Variants in ALKBH1 observed in about 807,000 individuals in gnomAD.
The protein encoded by ALKBH1 is nucleic acid dioxygenase ALKBH1.
ALKBH1 carries 31 observed loss-of-function variants against 36.6 expected under a neutral mutation model. The observed-to-expected ratio is 0.85, with a 90% CI of 0.64 to 1.14. The LOEUF (loss-of-function observed/expected upper bound fraction) is 1.14, where lower values mean the gene tolerates loss of function less well. Among genes scored for constraint, ALKBH1 ranks in the 50% most tolerant of loss-of-function variants. The pLI is 0.00. For synonymous variants in ALKBH1, 183 were observed against 186.6 expected, an observed-to-expected ratio of 0.98 and a Z score of 0.16; for missense variants, 490 against 497.3, an observed-to-expected ratio of 0.99 and a Z score of 0.14.
chr14:77,701,677 T>G (rs1263702033), intron 2 of ALKBH1, among the ~76,000 whole-genome samples: 1 of 152,130 alleles, frequency 6.6e-6, no homozygotes, highest in Non-Finnish European at 1.5e-5. Context: ...ATCCTTTTGA[T>G]CAACTCAGAG....
At position 77,673,900 on chromosome 14, in the gene ALKBH1, T is replaced by C; in HGVS notation, c.1082A>G (p.Glu361Gly). 6 of 1,614,230 alleles carry C rather than the reference T, an allele frequency of 3.7e-6. No homozygotes were observed. Among genetic ancestry groups the C allele is most frequent in the Non-Finnish European group, 5.1e-6 (6 of 1,180,050 alleles). ...ACCTTCTGTACTGATGTCTCTTTTT[T>C]CATCCTCGATGGGTTCTAGAGGGAA... ...QNFPLEPIED[E>G]KRDISTEGFC... Residue 361 changes from glutamate (E) to glycine (G), a missense_variant, in exon 6 of 6, where the codon GAA becomes GGA. Coordinates refer to ENST00000216489, the MANE Select transcript of ALKBH1 (RefSeq NM_006020.3).
chr14:77,675,974 A>C, intron 4 of ALKBH1, 125 bp from the exon 5 acceptor site: 1 of 787,192 alleles, frequency 1.3e-6, no homozygotes, highest in Non-Finnish European at 2.0e-6. Flanking sequence ...TTAACACAGC[A>C]TTATCTATCC....
intron 3 of ALKBH1, chr14:77,683,773 T>C (rs1252994785): frequency 9.9e-6 from 2 of 201,870 alleles, no homozygotes; most frequent in Non-Finnish European, 2.0e-5. Context: ...GGTTTCCCCA[T>C]GTTGCCCAAG....
At chr14:77,705,561 G>A (rs534563870) in intron 1 of ALKBH1, among the ~76,000 whole-genome samples, 1 of 152,132 alleles carries the variant, frequency 6.6e-6, no homozygotes, top group African/African-American at 2.4e-5. Context: ...TCCAACTGAC[G>A]CTACAACTTC....
At position 77,672,820 on chromosome 14, in the gene ALKBH1, C is replaced by T. The variant is rs1344877925; in HGVS notation, c.*992G>A. ...AAAGATTAAAACTTGGTGTTGCCTA[C>T]ATTTTTCCAAGCTGCCTACCCTCAG... On this transcript the variant is annotated 3_prime_UTR_variant, in exon 6 of 6. Coordinates refer to ENST00000216489, the MANE Select transcript of ALKBH1 (RefSeq NM_006020.3). 1.3e-5 allele frequency: 2 copies of T among 152,142 alleles called. No homozygotes were observed. The highest frequency in any genetic ancestry group is 2.4e-5 in the African/African-American group (1 of 41,420). The allele number at this position is 152,142 out of a possible 1,614,324, so 9.4% of individuals were successfully genotyped here.
In ALKBH1 at chr14:77,690,856, C is replaced by T. The variant is rs1363755248; in HGVS notation, c.455+3882G>A. ...CACTCTTGTTGCCCAGGCTGGAGTG[C>T]AATGGCGTGATCTCGGCTCACCGCA... On this transcript the variant is annotated intron_variant, in intron 3 of 5. Coordinates refer to ENST00000216489, the MANE Select transcript of ALKBH1 (RefSeq NM_006020.3). Among the ~76,000 whole-genome samples, 5 of 151,542 alleles carry T rather than the reference C, an allele frequency of 3.3e-5. No individual in the cohort carries two copies. In the South Asian group the frequency reaches 6.2e-4, roughly 19 times the overall value.
At chr14:77,696,394 T>C (rs921302161) in intron 2 of ALKBH1, among the ~76,000 whole-genome samples, 5 of 152,170 alleles carry the variant, frequency 3.3e-5, no homozygotes, top group Admixed American at 2.6e-4. Flanking sequence ...TTCACCATAT[T>C]GGCCAGGCTG....
Position 77,679,962 on chromosome 14 carries a change from T to C in ALKBH1, c.464A>G (p.Glu155Gly), listed in dbSNP as rs1448495074. ...ACTTCGGGGTCTCCGTTTAGTCGCT[T>C]CTTTATACCTGCAAAGATTGGTGAC... is the stretch of plus-strand genomic sequence containing the variant. ...EQSKEFLRYK[E>G]ATKRRPRSLL... The change falls in exon 4 of 6, where the codon GAA becomes GGA. Residue 155 changes from glutamate to glycine, a missense_variant. By Grantham distance (98) the Glu-to-Gly change is moderately conservative. Coordinates refer to ENST00000216489, the MANE Select transcript of ALKBH1 (RefSeq NM_006020.3). 6.2e-7 allele frequency: 1 copy of C among 1,613,480 alleles called. No homozygotes were observed. Among genetic ancestry groups the C allele is most frequent in the African/African-American group, 1.3e-5 (1 of 74,930 alleles).
At chr14:77,686,082 A>G (rs149489342) in intron 3 of ALKBH1, among the ~76,000 whole-genome samples, 123 of 152,284 alleles carry the variant, frequency 8.1e-4, no homozygotes, top group African/African-American at 2.7e-3. Context: ...TGCCTTCAAT[A>G]TGTTGAGAGC....
intron 2 of ALKBH1, among the ~76,000 whole-genome samples, chr14:77,701,570 C>A (rs2080359385): frequency 6.6e-6 from 1 of 152,172 alleles, no homozygotes; most frequent in Middle Eastern, 3.4e-3. Flanking sequence ...GGCCTATTAT[C>A]CTCTTGTTCA....
intron 4 of ALKBH1, among the ~76,000 whole-genome samples, chr14:77,678,021 CT>C (rs2080215096): frequency 7.8e-6 from 1 of 127,576 alleles, no homozygotes; most frequent in African/African-American, 3.0e-5. Context: ...CCCTATTTTT[CT>C]TAGTCAATGA....
At chr14:77,693,239 G>A (rs2080308332) in intron 3 of ALKBH1, among the ~76,000 whole-genome samples, 1 of 148,420 alleles carries the variant, frequency 6.7e-6, no homozygotes. Context: ...TTTTCATAGA[G>A]ATGGGGTCTT....
intron 1 of ALKBH1, 119 bp downstream of exon 1, chr14:77,707,703 G>T: frequency 8.3e-7 from 1 of 1,199,180 alleles, no homozygotes; most frequent in Non-Finnish European, 1.1e-6. Context: ...GCCAAAGGAG[G>T]TCAGGAATCG....
intron 1 of ALKBH1, among the ~76,000 whole-genome samples, chr14:77,706,841 T>G (rs2080395218): frequency 6.6e-6 from 1 of 152,188 alleles, no homozygotes; most frequent in Non-Finnish European, 1.5e-5. Context: ...AGCTCAAGTA[T>G]GCAATCATTA....
At chr14:77,700,351 T>G (rs1188295031) in intron 2 of ALKBH1, among the ~76,000 whole-genome samples, 1 of 152,204 alleles carries the variant, frequency 6.6e-6, no homozygotes, top group Non-Finnish European at 1.5e-5. Context: ...CTCATTGCAG[T>G]TGATTAATCC....
In ALKBH1 at chr14:77,673,571, G is replaced by C; in HGVS notation, c.*241C>G. 5.7e-6 allele frequency: 3 copies of C among 524,552 alleles called. No homozygotes were observed. Among genetic ancestry groups the C allele is most frequent in the Non-Finnish European group, 1.0e-5 (3 of 293,488 alleles). The allele number at this position is 524,552 out of a possible 1,614,324, so 32.5% of individuals were successfully genotyped here. A position where few individuals can be genotyped will look rare whatever the true frequency, so the allele number is the denominator to read the frequency against. On this transcript the variant is annotated 3_prime_UTR_variant, in exon 6 of 6. Coordinates refer to ENST00000216489, the MANE Select transcript of ALKBH1 (RefSeq NM_006020.3). ...GTGGAAGAACATACCTCCTTGGACTGACTTCTCAACATACATTACAGCCAA... is the reference window on the plus strand; with the variant it reads ...GTGGAAGAACATACCTCCTTGGACTCACTTCTCAACATACATTACAGCCAA...
intron 4 of ALKBH1, among the ~76,000 whole-genome samples, chr14:77,678,087 C>CAAAAAAAAAAAAAAAAAAAAAAAA (rs11440428): frequency 1.8e-5 from 1 of 55,078 alleles, no homozygotes; most frequent in Non-Finnish European, 3.2e-5. Context: ...ATATTATCAC[C>CAAAAAAAAAAAAAAAAAAAAAAAA]AAAAAAAAAA....
intron 2 of ALKBH1, among the ~76,000 whole-genome samples, chr14:77,701,564 T>G (rs1421835486): frequency 6.6e-6 from 1 of 152,104 alleles, no homozygotes; most frequent in African/African-American, 2.4e-5. Flanking sequence ...TTTCCAGGCC[T>G]ATTATCCTCT....
At chr14:77,683,464 A>G (rs1343462703) in intron 3 of ALKBH1, 12 of 732,738 alleles carry the variant, frequency 1.6e-5, no homozygotes, top group Middle Eastern at 4.9e-4. Context: ...AACAATGCTA[A>G]CAGCATGCTG....
Sources: allele counts gnomAD v4.1 joint callset (sites outside exome capture counted in the v4.1 genomes callset), GRCh38; gene constraint gnomAD v4.1.1; transcripts MANE v1.5; gene names NCBI Gene and HGNC (gene_info 2026-07-23, HGNC 2026-07-21).